KCNU1: variants seen among roughly 807,000 people sequenced by gnomAD.
KCNU1 encodes potassium calcium-activated channel subfamily U member 1, also known as potassium channel subfamily U member 1.
Under a neutral mutation model 126.8 loss-of-function variants are expected in KCNU1, and 93 were observed. The observed-to-expected ratio is 0.73, with a 90% confidence interval of 0.62 to 0.87. KCNU1 has a LOEUF of 0.87. Ranked by LOEUF, KCNU1 falls within the 40% of genes least tolerant of loss-of-function variation. The probability of loss-of-function intolerance (pLI) is 0.00; values close to 1 mark genes in which losing one functional copy is unlikely to be tolerated. For missense variants in KCNU1, 1,330 were observed against 1,367.1 expected (o/e 0.97, Z 0.43); for synonymous variants, 523 against 494.2 (o/e 1.06, Z -0.77).
intron 16 of KCNU1, among the ~76,000 whole-genome samples, chr8:36,843,282 G>A (rs552136469): frequency 2.4e-4 from 37 of 152,180 alleles, no homozygotes; most frequent in Non-Finnish European, 3.8e-4. Flanking sequence ...ATGAAGGGGG[G>A]ATCTATGGAA....
At chr8:36,886,499 A>AC (rs1806709244) in intron 19 of KCNU1, among the ~76,000 whole-genome samples, 1 of 151,918 alleles carries the variant, frequency 6.6e-6, no homozygotes, top group Non-Finnish European at 1.5e-5. Flanking sequence ...CCAGAAAAAA[A>AC]CAGAAACAGG....
chr8:36,933,681 G>T (rs1808770945), intron 26 of KCNU1, among the ~76,000 whole-genome samples: 1 of 152,036 alleles, frequency 6.6e-6, no homozygotes, highest in Admixed American at 6.6e-5. Context: ...GGAAATAGAT[G>T]GATGGAACTT....
chr8:36,848,894 T>C (rs1212515401), intron 18 of KCNU1, among the ~76,000 whole-genome samples: 2 of 151,876 alleles, frequency 1.3e-5, no homozygotes, highest in African/African-American at 4.8e-5. Flanking sequence ...GGGAGGGGGG[T>C]GGAGAACTGG....
chr8:36,823,529 T>C lies in KCNU1; in HGVS notation c.1106+5769T>C, dbSNP rs141134061. ...TGCGGCAAATAAATATTGTTCATTG[T>C]AGATTCAAGTAAAAGTGTATAAGGA... is the stretch of plus-strand genomic sequence containing the variant. On this transcript the variant is annotated intron_variant, in intron 10 of 26. Coordinates refer to ENST00000399881, the MANE Select transcript of KCNU1 (RefSeq NM_001031836.3). 1.9e-3 allele frequency among the ~76,000 whole-genome samples: 291 copies of C among 152,236 alleles called. 2 individuals carry two copies. The highest frequency in any genetic ancestry group is 6.6e-3 in the African/African-American group (275 of 41,562).
In KCNU1 at chr8:36,872,044, G is replaced by T. The variant is rs564333066; in HGVS notation, c.2009+7523G>T. On this transcript the variant is annotated intron_variant, in intron 19 of 26. Coordinates refer to ENST00000399881, the MANE Select transcript of KCNU1 (RefSeq NM_001031836.3). ...AGTTTCCAAGAAAAAAAAATGTGAA[G>T]TAGGCAAATCGCACTGATTTTCACT... Among the ~76,000 whole-genome samples, 5 of 152,208 alleles carry T rather than the reference G, an allele frequency of 3.3e-5. No individual in the cohort carries two copies. The South Asian group carries it at 1.0e-3, about 32-fold the overall frequency.
Position 36,836,826 on chromosome 8 carries a change from G to T in KCNU1, c.1399G>T (p.Asp467Tyr). 1 of 1,613,800 alleles carries T rather than the reference G, an allele frequency of 6.2e-7. No homozygotes were observed. The highest frequency in any genetic ancestry group is 8.5e-7 in the Non-Finnish European group (1 of 1,179,782). Residue 467 changes from aspartate (D) to tyrosine (Y), a missense_variant, in exon 14 of 27, where the codon GAC (aspartate) becomes TAC (tyrosine). Coordinates refer to ENST00000399881, the MANE Select transcript of KCNU1 (RefSeq NM_001031836.3). ...YLPKIPSWNW[D>Y]TGDNIICFAE... The stretch of plus-strand genomic sequence containing the variant: ...GCCAAAGATTCCCAGCTGGAACTGG[G>T]ACACCGGAGACAACATCATCTGCTT...
chr8:36,899,427 AAC>A (rs199879610), intron 19 of KCNU1, among the ~76,000 whole-genome samples: 2,569 of 152,226 alleles, frequency 0.017, 78 homozygotes, highest in African/African-American at 0.059. Context: ...TTTACCTTAG[AAC>A]ACAGTTTACA....
intron 19 of KCNU1, among the ~76,000 whole-genome samples, chr8:36,900,806 G>T (rs1208539141): frequency 6.6e-6 from 1 of 152,052 alleles, no homozygotes; most frequent in African/African-American, 2.4e-5. Flanking sequence ...AGTCACAATG[G>T]AGTTTTCAAA....
chr8:36,899,459 A>G (rs1418267443), intron 19 of KCNU1, among the ~76,000 whole-genome samples: 3 of 152,112 alleles, frequency 2.0e-5, no homozygotes, highest in Non-Finnish European at 4.4e-5. Context: ...GTAAACTGAA[A>G]TAAGATTATA....
chr8:36,795,972 G>C (rs539667570), intron 2 of KCNU1: 1 of 152,194 alleles, frequency 6.6e-6, no homozygotes, highest in African/African-American at 2.4e-5. Context: ...AGCTATCTGG[G>C]CTGGCCAAAT....
At chr8:36,806,857 A>T (rs1326801616) in intron 5 of KCNU1, among the ~76,000 whole-genome samples, 1 of 152,192 alleles carries the variant, frequency 6.6e-6, no homozygotes, top group African/African-American at 2.4e-5. Flanking sequence ...TTATTGTATG[A>T]TTTATTATCT....
At chr8:36,893,225 C>A (rs572462463) in intron 19 of KCNU1, among the ~76,000 whole-genome samples, 94 of 151,236 alleles carry the variant, frequency 6.2e-4, no homozygotes, top group Non-Finnish European at 8.1e-4. Flanking sequence ...CCACCTGCTT[C>A]AGCCTCCCAA....
At chr8:36,918,699 G>C (rs1808220005) in intron 22 of KCNU1, 124 bp from the exon 23 acceptor site, 1 of 680,254 alleles carries the variant, frequency 1.5e-6, no homozygotes, top group East Asian at 2.5e-5. Context: ...TAAAGGATTT[G>C]GGATTTATAC....
intron 10 of KCNU1, among the ~76,000 whole-genome samples, chr8:36,828,282 T>G (rs1201426456): frequency 1.3e-5 from 2 of 152,136 alleles, no homozygotes; most frequent in Non-Finnish European, 2.9e-5. Flanking sequence ...TTATTTATGT[T>G]ACTAGTTCTT....
At chr8:36,830,179 A>T (rs190388741) in intron 10 of KCNU1, among the ~76,000 whole-genome samples, 1,527 of 151,094 alleles carry the variant, frequency 0.01, 12 homozygotes, top group Non-Finnish European at 0.018. Flanking sequence ...AATTGTACAC[A>T]TAAGGATTAG....
At chr8:36,853,389 A>C (rs561474949) in intron 18 of KCNU1, among the ~76,000 whole-genome samples, 1 of 152,184 alleles carries the variant, frequency 6.6e-6, no homozygotes, top group African/African-American at 2.4e-5. Context: ...TATATCTAAA[A>C]ATTTCCCTCT....
intron 2 of KCNU1, among the ~76,000 whole-genome samples, chr8:36,801,479 T>C (rs1222285331): frequency 6.6e-6 from 1 of 151,898 alleles, no homozygotes; most frequent in Non-Finnish European, 1.5e-5. Flanking sequence ...TTCATTTCCA[T>C]GGGTTGGGGG....
chr8:36,860,888 T>C (rs1219828164), intron 18 of KCNU1, among the ~76,000 whole-genome samples: 2 of 151,108 alleles, frequency 1.3e-5, no homozygotes, highest in Non-Finnish European at 2.9e-5. Flanking sequence ...TTTACAGTTT[T>C]CTTTAGGTTT....
At chr8:36,831,056 A>G (rs79677239) in intron 10 of KCNU1, among the ~76,000 whole-genome samples, 29,512 of 151,192 alleles carry the variant, frequency 0.2, 3,237 homozygotes, top group Admixed American at 0.32. Flanking sequence ...ATGATTTCCA[A>G]TTTCATCCAT....
Sources: gnomAD v4.1 joint callset for allele counts (sites outside exome capture counted in the v4.1 genomes callset) on GRCh38, gnomAD v4.1.1 for gene constraint, MANE v1.5 for transcripts, NCBI Gene and HGNC (gene_info 2026-07-23, HGNC 2026-07-21) for gene names.